The following DYRK1A variants were observed in gnomAD, a reference collection of about 807,000 sequenced individuals.
DYRK1A encodes dual specificity tyrosine phosphorylation regulated kinase 1A.
Under a neutral mutation model 79.7 loss-of-function variants are expected in DYRK1A, and 9 were observed. The ratio of observed to expected loss-of-function variants is 0.11; its 90% confidence interval spans 0.07 to 0.20. DYRK1A has a LOEUF of 0.20. DYRK1A is among the 10% of genes least tolerant of loss of function. The pLI, the probability that DYRK1A is intolerant of heterozygous loss-of-function variation, is 1.00. For synonymous variants in DYRK1A, 349 were observed against 329.7 expected (o/e 1.06, Z -0.63); for missense variants, 622 against 956.0 (o/e 0.65, Z 4.61).
At chr21:37,387,554 T>A (rs536594586) in intron 1 of DYRK1A, among the ~76,000 whole-genome samples, 2 of 152,204 alleles carry the variant, frequency 1.3e-5, no homozygotes, top group Non-Finnish European at 2.9e-5. Context: ...AACCATCTTA[T>A]AGAGCCTCAA....
At chr21:37,478,381 T>A in intron 4 of DYRK1A, 81 bp downstream of exon 4, 1 of 1,242,920 alleles carries the variant, frequency 8.0e-7, no homozygotes, top group Non-Finnish European at 1.1e-6. Context: ...ACCCTAAACT[T>A]TTTTTTCATT....
At position 37,524,762 on chromosome 21, in the gene DYRK1A, A is replaced by G. The variant is rs1270257280; in HGVS notation, c.*12231A>G. 1 of 152,234 alleles carries G rather than the reference A, an allele frequency of 6.6e-6. No individual in the cohort carries two copies. The highest frequency in any genetic ancestry group is 2.4e-5 in the African/African-American group (1 of 41,446). The allele number at this position is 152,234 out of a possible 1,614,324, so 9.4% of individuals were successfully genotyped here. ...AGTAACTGAAGAATTGGCCTCTATC[A>G]ATAGTCTTATGTGGAACAACTACTG... On this transcript the variant is annotated 3_prime_UTR_variant, in exon 12 of 12. Coordinates refer to ENST00000647188, the MANE Select transcript of DYRK1A (RefSeq NM_001347721.2).
chr21:37,493,350 G>A (rs927792307), intron 8 of DYRK1A, among the ~76,000 whole-genome samples, 187 bp downstream of exon 8: 1 of 152,156 alleles, frequency 6.6e-6, no homozygotes, highest in African/African-American at 2.4e-5. Flanking sequence ...TTATGAGATA[G>A]GAGTAGGATA....
intron 1 of DYRK1A, among the ~76,000 whole-genome samples, chr21:37,391,474 C>T (rs1276261492): frequency 6.6e-6 from 1 of 152,198 alleles, no homozygotes; most frequent in East Asian, 1.9e-4. Context: ...TGAGTTTTAT[C>T]TTCAGTGCAG....
chr21:37,505,073 A>G (rs2053554575), intron 9 of DYRK1A: 1 of 541,084 alleles, frequency 1.8e-6, no homozygotes, highest in South Asian at 2.6e-5. Context: ...AATGATCTTT[A>G]TAGCCATTTT....
chr21:37,470,036 C>T (rs1411983046), intron 2 of DYRK1A, among the ~76,000 whole-genome samples: 3 of 152,050 alleles, frequency 2.0e-5, no homozygotes, highest in Non-Finnish European at 4.4e-5. Context: ...CCCAGCTCCT[C>T]GGGAGGCTGA....
chr21:37,516,858 A>G lies in DYRK1A; in HGVS notation c.*4327A>G, dbSNP rs912905971. 10 of 152,168 alleles carry G rather than the reference A, an allele frequency of 6.6e-5. No homozygotes were observed. Among genetic ancestry groups the G allele is most frequent in the Non-Finnish European group, 1.0e-4 (7 of 68,020 alleles). The allele number at this position is 152,168 out of a possible 1,614,324, so 9.4% of individuals were successfully genotyped here. A position where few individuals can be genotyped will look rare whatever the true frequency, so the allele number is the denominator to read the frequency against. On this transcript the variant is annotated 3_prime_UTR_variant, in exon 12 of 12. Coordinates refer to ENST00000647188, the MANE Select transcript of DYRK1A (RefSeq NM_001347721.2). Reference sequence around the variant, plus strand: ...CTAATTTCCTACTTTAAATCTTAGGAGACAAAGTGTTTCTCCAACTGGACG... The same window carrying G: ...CTAATTTCCTACTTTAAATCTTAGGGGACAAAGTGTTTCTCCAACTGGACG...
In DYRK1A at chr21:37,490,315, A is replaced by G; in HGVS notation, c.778A>G (p.Met260Val). The change falls in exon 7 of 12, where the codon ATG becomes GTG. Residue 260 changes from methionine (M) to valine (V), a missense_variant. This residue lies in a region of DYRK1A where 138 missense variants were observed against 346.4 expected (regional missense o/e 0.40). Transcript: ENST00000647188. ...LNLTRKFAQQ[M>V]CTALLFLATP... ...CCTAACACGAAAGTTTGCGCAACAG[A>G]TGTGCACTGCACTGCTTTTCCTTGC... 6.2e-7 allele frequency: 1 copy of G among 1,613,818 alleles called. No individual in the cohort carries two copies. Among genetic ancestry groups the G allele is most frequent in the South Asian group, 1.1e-5 (1 of 91,074 alleles).
intron 2 of DYRK1A, among the ~76,000 whole-genome samples, chr21:37,464,686 G>A (rs955215584): frequency 2.6e-5 from 4 of 152,028 alleles, no homozygotes; most frequent in Admixed American, 2.0e-4. Context: ...TATATAATAC[G>A]GTAGATAGTA....
At chr21:37,404,278 T>G (rs1007564635) in intron 1 of DYRK1A, among the ~76,000 whole-genome samples, 9 of 152,092 alleles carry the variant, frequency 5.9e-5, no homozygotes, top group Admixed American at 4.6e-4. Context: ...GGGCACCCTG[T>G]GGCCTAGGCA....
intron 4 of DYRK1A, among the ~76,000 whole-genome samples, chr21:37,479,818 G>A (rs572474311): frequency 2.0e-5 from 3 of 151,460 alleles, no homozygotes; most frequent in East Asian, 3.9e-4. Context: ...TAGTAGAGAC[G>A]GGGTTTCACC....
At chr21:37,374,380 AAAG>A (rs915014938) in intron 1 of DYRK1A, among the ~76,000 whole-genome samples, 2 of 150,526 alleles carry the variant, frequency 1.3e-5, no homozygotes, top group African/African-American at 4.9e-5. Flanking sequence ...GGATTTGAAA[AAAG>A]AGAAATATAA....
At chr21:37,389,205 A>T (rs1405746832) in intron 1 of DYRK1A, among the ~76,000 whole-genome samples, 1 of 151,242 alleles carries the variant, frequency 6.6e-6, no homozygotes, top group African/African-American at 2.4e-5. Flanking sequence ...CTCTTTTTTT[A>T]AAAAAGTATA....
At chr21:37,510,680 C>T (rs1266804385) in intron 11 of DYRK1A, among the ~76,000 whole-genome samples, 1 of 152,064 alleles carries the variant, frequency 6.6e-6, no homozygotes, top group Non-Finnish European at 1.5e-5. Flanking sequence ...AGGTTAGTGG[C>T]TAGGCCGTCT....
intron 1 of DYRK1A, among the ~76,000 whole-genome samples, chr21:37,408,831 G>A (rs2148411351): frequency 6.6e-6 from 1 of 152,324 alleles, no homozygotes; most frequent in South Asian, 2.1e-4. Flanking sequence ...TTTTACTCCT[G>A]TATTGACAGT....
At chr21:37,453,737 C>T (rs963819920) in intron 2 of DYRK1A, among the ~76,000 whole-genome samples, 16 of 152,172 alleles carry the variant, frequency 1.1e-4, no homozygotes, top group Admixed American at 1.0e-3. Flanking sequence ...ATTTTAGGTG[C>T]TGGTTAGTTG....
intron 1 of DYRK1A, among the ~76,000 whole-genome samples, chr21:37,371,491 G>A (rs976125742): frequency 3.3e-5 from 5 of 152,210 alleles, no homozygotes; most frequent in African/African-American, 1.2e-4. Flanking sequence ...CGTTGAACAC[G>A]TGAAATGGTG....
chr21:37,447,088 C>T (rs769409412), intron 2 of DYRK1A, among the ~76,000 whole-genome samples: 31 of 152,024 alleles, frequency 2.0e-4, no homozygotes, highest in Admixed American at 3.3e-4. Flanking sequence ...AAATGCTCTA[C>T]TCTCCTAACA....
chr21:37,390,778 C>G (rs1413139119), intron 1 of DYRK1A, among the ~76,000 whole-genome samples: 1 of 152,138 alleles, frequency 6.6e-6, no homozygotes, highest in African/African-American at 2.4e-5. Flanking sequence ...CCATGTTGCC[C>G]AGGCTGGTTT....
Sources: allele counts gnomAD v4.1 joint callset (sites outside exome capture counted in the v4.1 genomes callset), GRCh38; gene constraint gnomAD v4.1.1; regional missense constraint gnomAD v4.1.1; transcripts MANE v1.5; gene names NCBI Gene and HGNC (gene_info 2026-07-23, HGNC 2026-07-21).